The following SEC61A2 variants were observed in gnomAD, a reference collection of about 807,000 sequenced individuals.
SEC61A2 encodes SEC61 translocon subunit alpha 2.
A neutral mutation model predicts 59.9 loss-of-function variants in SEC61A2; 28 were observed. The observed-to-expected ratio is 0.47, with a 90% CI of 0.35 to 0.64. The LOEUF is 0.64. SEC61A2 is among the 30% of genes least tolerant of loss of function. SEC61A2 has a pLI of 0.01. For synonymous variants in SEC61A2, 202 were observed against 214.4 expected (o/e 0.94, Z 0.50); for missense variants, 340 against 585.9 (o/e 0.58, Z 4.33).
At position 12,152,454 on chromosome 10, in the gene SEC61A2, A is replaced by G. The variant is rs1359584583; in HGVS notation, c.462+2493A>G. ...CCCCAGTGTGTTCGCATTTGGTAGA[A>G]GATACGTTTCCTTAAAGAATAACTG... On this transcript the variant is annotated intron_variant, in intron 6 of 11. Coordinates refer to ENST00000298428, the MANE Select transcript of SEC61A2 (RefSeq NM_018144.4). This position sits in a 1 kb window ranked among gnomAD's most constrained non-coding sequence, Gnocchi z 5.5. 6.6e-6 allele frequency among the ~76,000 whole-genome samples: 1 copy of G among 152,188 alleles called. No homozygotes were observed. Among genetic ancestry groups the G allele is most frequent in the Non-Finnish European group, 1.5e-5 (1 of 68,030 alleles).
chr10:12,138,972 G>A (rs1833947991), intron 3 of SEC61A2, among the ~76,000 whole-genome samples: 1 of 151,852 alleles, frequency 6.6e-6, no homozygotes, highest in South Asian at 2.1e-4. Flanking sequence ...TTGTTTGTTT[G>A]TTTGTTTGAG....
chr10:12,159,305 C>A (rs116212570), intron 9 of SEC61A2, among the ~76,000 whole-genome samples: 1,620 of 152,206 alleles, frequency 0.011, 14 homozygotes, highest in Middle Eastern at 0.041. Flanking sequence ...CATCTAGCCA[C>A]GCTGTTATTG....
chr10:12,146,187 A>AT (rs1259109496), intron 4 of SEC61A2, among the ~76,000 whole-genome samples: 1 of 151,910 alleles, frequency 6.6e-6, no homozygotes, highest in African/African-American at 2.4e-5. Flanking sequence ...TGCGCCACTA[A>AT]TTTTTTTATT....
chr10:12,149,183 A>G lies in SEC61A2; in HGVS notation c.221-412A>G, dbSNP rs1834220967. 6.6e-6 allele frequency among the ~76,000 whole-genome samples: 1 copy of G among 151,578 alleles called. No individual in the cohort carries two copies. The highest frequency in any genetic ancestry group is 2.4e-5 in the African/African-American group (1 of 41,238). The stretch of plus-strand genomic sequence containing the variant: ...CGGCTTACTGCAACCTCTGCCTTCC[A>G]GGTTTAAGCGATTCTCCTGCCTCAG... On this transcript the variant is annotated intron_variant, in intron 4 of 11. Coordinates refer to ENST00000298428, the MANE Select transcript of SEC61A2 (RefSeq NM_018144.4). The surrounding 1 kb of genome is among the most constrained non-coding windows in gnomAD (Gnocchi z 5.2).
intron 6 of SEC61A2, among the ~76,000 whole-genome samples, chr10:12,151,347 G>A (rs1834268355): frequency 6.9e-6 from 1 of 144,028 alleles, no homozygotes; most frequent in Admixed American, 7.0e-5. Context: ...CAGTCTTGCT[G>A]TGTCGCCAGG....
intron 3 of SEC61A2, among the ~76,000 whole-genome samples, chr10:12,137,172 G>A (rs190671732): frequency 7.8e-4 from 118 of 152,020 alleles, no homozygotes; most frequent in African/African-American, 2.8e-3. Flanking sequence ...TCCCTAGTAG[G>A]TAGGACTGCA....
At chr10:12,132,343 A>T (rs574570247) in intron 1 of SEC61A2, among the ~76,000 whole-genome samples, 2 of 151,864 alleles carry the variant, frequency 1.3e-5, no homozygotes, top group Admixed American at 1.3e-4. Flanking sequence ...GCCAGGTGCC[A>T]TGGTTCATGC....
Position 12,162,956 on chromosome 10 carries a change from T to A in SEC61A2, c.1244+667T>A, listed in dbSNP as rs186086624. The stretch of plus-strand genomic sequence containing the variant: ...TCACAGTTCATATCCTTAATTCTTT[T>A]CATGAATAATATTCAATTGTAGGGC... On this transcript the variant is annotated intron_variant, in intron 11 of 11. Coordinates refer to ENST00000298428, the MANE Select transcript of SEC61A2 (RefSeq NM_018144.4). This position sits in a 1 kb window ranked among gnomAD's most constrained non-coding sequence, Gnocchi z 6.1. 6.6e-6 allele frequency among the ~76,000 whole-genome samples: 1 copy of A among 152,352 alleles called. No homozygotes were observed. The highest frequency in any genetic ancestry group is 1.5e-5 in the Non-Finnish European group (1 of 68,024).
chr10:12,146,674 C>G (rs1175048865), intron 4 of SEC61A2, among the ~76,000 whole-genome samples: 1 of 151,884 alleles, frequency 6.6e-6, no homozygotes, highest in East Asian at 1.9e-4. Flanking sequence ...CCCGCCACCA[C>G]GCCCTGCTAA....
chr10:12,146,637 C>A (rs769789062), intron 4 of SEC61A2, among the ~76,000 whole-genome samples: 39 of 152,112 alleles, frequency 2.6e-4, no homozygotes, highest in Non-Finnish European at 3.8e-4. Flanking sequence ...CCTGCCTCAG[C>A]CTCCTGAGTA....
rs182688058 is a variant in SEC61A2, at chr10:12,145,123, G to A, written c.220+1928G>A. 3.1e-4 allele frequency among the ~76,000 whole-genome samples: 47 copies of A among 152,182 alleles called. No homozygotes were observed. The East Asian group carries it at 8.3e-3, about 27-fold the overall frequency. Reference sequence around the variant, plus strand: ...AGAAGAGGGAGGAGTGATGGGACCTGATGTTGCAGATGTATCTAAGTCAGA... The same window carrying A: ...AGAAGAGGGAGGAGTGATGGGACCTAATGTTGCAGATGTATCTAAGTCAGA... On this transcript the variant is annotated intron_variant, in intron 4 of 11. Transcript: ENST00000298428. The surrounding 1 kb of genome is among the most constrained non-coding windows in gnomAD (Gnocchi z 4.4).
At chr10:12,167,425 C>A, downstream of SEC61A2, 2 of 330,202 alleles carry the variant, frequency 6.1e-6, no homozygotes, top group South Asian at 3.2e-5. Flanking sequence ...AGAAAAGTAA[C>A]TGAGCTGTAG....
rs144793427 is a variant in SEC61A2 at position 12,134,789 on chromosome 10, G to A, written c.76-1316G>A. Among the ~76,000 whole-genome samples, 390 of 152,020 alleles carry A rather than the reference G, an allele frequency of 2.6e-3. 1 individual carries two copies. The highest frequency in any genetic ancestry group is 9.0e-3 in the African/African-American group (375 of 41,490). ...AAAAATTAGCTGGGCGTGGTGGCGT[G>A]CGCCTGTAGTCCCAGCTTCTCGGGA... On this transcript the variant is annotated intron_variant, in intron 2 of 11. Coordinates refer to ENST00000298428, the MANE Select transcript of SEC61A2 (RefSeq NM_018144.4).
In SEC61A2 at chr10:12,155,651, AG is replaced by A; in HGVS notation, c.463-126del. The stretch of plus-strand genomic sequence containing the variant: ...GCCAAAAGATGCAGTTGGTCATCAC[AG>A]TGAGATTGCAACGATCAGGCCTTAA... On this transcript the variant is annotated intron_variant, in intron 6 of 11. Transcript: ENST00000298428. The surrounding 1 kb of genome is among the most constrained non-coding windows in gnomAD (Gnocchi z 4.3). The A allele has an allele frequency of 9.2e-7, 1 of 1,089,738 alleles. No homozygotes were observed. The highest frequency in any genetic ancestry group is 2.4e-5 in the East Asian group (1 of 42,330). 67.5% of individuals were successfully genotyped at this position (1,089,738 alleles called of 1,614,324 possible).
intron 1 of SEC61A2, among the ~76,000 whole-genome samples, chr10:12,132,040 C>T (rs546398056): frequency 6.8e-6 from 1 of 147,448 alleles, no homozygotes; most frequent in Non-Finnish European, 1.5e-5. Context: ...GTACTGCTCA[C>T]GCCTGTAATC....
chr10:12,167,942 T>C (rs1263947506), downstream of SEC61A2: 5 of 1,447,846 alleles, frequency 3.5e-6, no homozygotes, highest in Non-Finnish European at 2.7e-6. Flanking sequence ...ATAACGTTTT[T>C]TTTGGTCTAT....
In SEC61A2 at chr10:12,156,080, G is replaced by T. The variant is rs1005838042; in HGVS notation, c.616+149G>T. 1.3e-6 allele frequency: 1 copy of T among 747,760 alleles called. No homozygotes were observed. Among genetic ancestry groups the T allele is most frequent in the Admixed American group, 2.7e-5 (1 of 37,238 alleles). 46.3% of individuals were successfully genotyped at this position (747,760 alleles called of 1,614,324 possible). On this transcript the variant is annotated intron_variant, in intron 7 of 11. Transcript: ENST00000298428. This position sits in a 1 kb window ranked among gnomAD's most constrained non-coding sequence, Gnocchi z 5.2. ...AATTCTTCAAAACTTAATGAGCAGA[G>T]ATTTGTGGAGTAAGCAATACTACCT...
chr10:12,163,643 C>T (rs975942614), intron 11 of SEC61A2, among the ~76,000 whole-genome samples: 1 of 151,916 alleles, frequency 6.6e-6, no homozygotes, highest in African/African-American at 2.4e-5. Flanking sequence ...CCTTCTTTTG[C>T]TTGGGGGCAT....
In SEC61A2 at chr10:12,142,512, C is replaced by A; in HGVS notation, c.142-605C>A. On this transcript the variant is annotated intron_variant, in intron 3 of 11. Transcript: ENST00000298428. The surrounding 1 kb of genome is among the most constrained non-coding windows in gnomAD (Gnocchi z 5.4). The stretch of plus-strand genomic sequence containing the variant: ...TTCAGTCTTACATTGAGAAGAGTGA[C>A]CTTGGCTGTCTTTAGTATATAGAGC... The A allele has an allele frequency of 1.0e-6, 1 of 983,288 alleles. No homozygotes were observed. The highest frequency in any genetic ancestry group is 1.7e-5 in the African/African-American group (1 of 57,288). The allele number at this position is 983,288 out of a possible 1,614,324, so 60.9% of individuals were successfully genotyped here.
Sources: gnomAD v4.1 joint callset for allele counts (sites outside exome capture counted in the v4.1 genomes callset) on GRCh38, gnomAD v4.1.1 for gene constraint, Gnocchi (gnomAD v3.1) non-coding constraint, MANE v1.5 for transcripts, NCBI Gene and HGNC (gene_info 2026-07-23, HGNC 2026-07-21) for gene names.